FHIT: variants seen among roughly 807,000 people sequenced by gnomAD.
The protein encoded by FHIT is bis(5'-adenosyl)-triphosphatase.
FHIT carries 19 observed loss-of-function variants against 17.9 expected under a neutral mutation model. That is an observed-to-expected ratio of 1.06 (90% CI 0.74 to 1.56). FHIT has a LOEUF of 1.56. FHIT is among the 40% of genes most tolerant of loss of function. The pLI is 0.00. For synonymous variants in FHIT, 81 were observed against 69.7 expected (o/e 1.16, Z -0.81); for missense variants, 248 against 189.2 (o/e 1.31, Z -1.82).
chr3:59,900,616 GTTGT>G (rs1195905588), intron 8 of FHIT, among the ~76,000 whole-genome samples: 5 of 150,926 alleles, frequency 3.3e-5, no homozygotes, highest in Non-Finnish European at 1.5e-5. Context: ...ATGTTTGGTT[GTTGT>G]TTGTTTTTTT....
intron 3 of FHIT, among the ~76,000 whole-genome samples, chr3:61,024,261 C>G (rs1441432732): frequency 1.3e-5 from 2 of 152,250 alleles, no homozygotes. Context: ...AAAGGACTTT[C>G]TAAAGAAATT....
At chr3:60,248,801 G>C (rs960166413) in intron 5 of FHIT, among the ~76,000 whole-genome samples, 3 of 152,132 alleles carry the variant, frequency 2.0e-5, no homozygotes, top group Non-Finnish European at 4.4e-5. Context: ...GAAGGGCGCT[G>C]TGACTCACCC....
chr3:60,403,574 A>G lies in FHIT; in HGVS notation c.103+133286T>C, dbSNP rs540679554. On this transcript the variant is annotated intron_variant, in intron 5 of 9. Coordinates refer to ENST00000492590, the MANE Select transcript of FHIT (RefSeq NM_002012.4). ...CCTTCCTGCATAATAACTGGCCATG[A>G]AGAAACTATCTGACCTACCTTGCTT... Among the ~76,000 whole-genome samples the G allele has an allele frequency of 7.9e-5, 12 of 152,276 alleles. 1 individual carries two copies. In the South Asian group the frequency reaches 2.5e-3, roughly 32 times the overall value.
chr3:59,932,143 C>T (rs1463961802), intron 7 of FHIT, among the ~76,000 whole-genome samples: 7 of 152,188 alleles, frequency 4.6e-5, no homozygotes, highest in Admixed American at 4.6e-4. Flanking sequence ...AGTGTCAATG[C>T]ATCCATTTTG....
intron 5 of FHIT, among the ~76,000 whole-genome samples, chr3:60,506,491 A>G (rs1037822791): frequency 2.6e-5 from 4 of 152,210 alleles, no homozygotes; most frequent in African/African-American, 9.6e-5. Context: ...TACTATCTAT[A>G]GTAGATGGCA....
intron 8 of FHIT, among the ~76,000 whole-genome samples, chr3:59,841,932 T>A (rs1465135331): frequency 1.3e-5 from 2 of 152,202 alleles, no homozygotes; most frequent in African/African-American, 4.8e-5. Flanking sequence ...CTATCTTGGC[T>A]ATTTTTAGGT....
chr3:60,356,676 G>C (rs560737717), intron 5 of FHIT, among the ~76,000 whole-genome samples: 1 of 136,284 alleles, frequency 7.3e-6, no homozygotes, highest in East Asian at 2.4e-4. Context: ...TACTTGATTT[G>C]AGACTGACAA....
intron 5 of FHIT, among the ~76,000 whole-genome samples, chr3:60,328,986 C>T (rs1709833804): frequency 6.6e-6 from 1 of 152,198 alleles, no homozygotes. Flanking sequence ...CATCCATTAT[C>T]TGCTCAAAGT....
At position 60,373,756 on chromosome 3, in the gene FHIT, C is replaced by T. The variant is rs190685420; in HGVS notation, c.103+163104G>A. On this transcript the variant is annotated intron_variant, in intron 5 of 9. Transcript: ENST00000492590. ...TCATTAGAAGCCCCTCGGCTTACAA[C>T]GTCTATCTAACCAGAATGCCATTCT... Among the ~76,000 whole-genome samples, 252 of 152,250 alleles carry T rather than the reference C, an allele frequency of 1.7e-3. 1 individual carries two copies. The highest frequency in any genetic ancestry group is 1.5e-3 in the Non-Finnish European group (103 of 68,022).
chr3:61,210,223 G>T (rs2039413933), intron 1 of FHIT, among the ~76,000 whole-genome samples: 1 of 152,216 alleles, frequency 6.6e-6, no homozygotes, highest in Non-Finnish European at 1.5e-5. Flanking sequence ...CCTAGTGCGG[G>T]GTACCTCCCA....
chr3:60,558,759 C>T (rs2036830336), intron 4 of FHIT, among the ~76,000 whole-genome samples: 1 of 152,152 alleles, frequency 6.6e-6, no homozygotes, highest in Non-Finnish European at 1.5e-5. Context: ...ACATGTTCTC[C>T]TGCAGGGCAT....
At chr3:60,672,874 C>CGT (rs71629109) in intron 4 of FHIT, among the ~76,000 whole-genome samples, 2,793 of 139,518 alleles carry the variant, frequency 0.02, 82 homozygotes, top group African/African-American at 0.067. Flanking sequence ...CTCTTTGTAG[C>CGT]GTGTGTGTGT....
At chr3:61,101,545 CT>C (rs2035828945) in intron 2 of FHIT, among the ~76,000 whole-genome samples, 1 of 152,098 alleles carries the variant, frequency 6.6e-6, no homozygotes, top group Non-Finnish European at 1.5e-5. Context: ...AATGCAGGCT[CT>C]TTTTTGGTTC....
At chr3:61,212,213 G>A (rs1050903145) in intron 1 of FHIT, among the ~76,000 whole-genome samples, 1 of 152,190 alleles carries the variant, frequency 6.6e-6, no homozygotes, top group Non-Finnish European at 1.5e-5. Context: ...CGAGCTAAAG[G>A]AGGAAATTCA....
chr3:60,630,133 A>G (rs1404123011), intron 4 of FHIT, among the ~76,000 whole-genome samples: 5 of 152,202 alleles, frequency 3.3e-5, no homozygotes, highest in Non-Finnish European at 7.3e-5. Context: ...GACTCTATCA[A>G]TAAAGTATTC....
intron 5 of FHIT, among the ~76,000 whole-genome samples, chr3:60,111,534 T>C (rs1303711974): frequency 1.3e-5 from 2 of 152,242 alleles, no homozygotes. Flanking sequence ...TTTGGGGCTA[T>C]CTTTCCTTCA....
intron 2 of FHIT, among the ~76,000 whole-genome samples, chr3:61,100,128 G>C (rs539755208): frequency 1.3e-5 from 2 of 151,972 alleles, no homozygotes; most frequent in Non-Finnish European, 2.9e-5. Flanking sequence ...TGATACATAG[G>C]TATACATGTG....
chr3:61,163,750 T>C (rs1318221444), intron 2 of FHIT, among the ~76,000 whole-genome samples: 4 of 152,206 alleles, frequency 2.6e-5, no homozygotes, highest in Admixed American at 6.5e-5. Flanking sequence ...CCAATCATAC[T>C]TCTACACAAC....
intron 9 of FHIT, chr3:59,751,036 A>G (rs720000): frequency 0.18 from 33,159 of 181,182 alleles, 4,323 homozygotes; most frequent in African/African-American, 0.39. Flanking sequence ...TTCTAAAAAC[A>G]AAAAAGAAAC....
Sources: gnomAD v4.1 joint callset for allele counts (sites outside exome capture counted in the v4.1 genomes callset) on GRCh38, gnomAD v4.1.1 for gene constraint, MANE v1.5 for transcripts, NCBI Gene and HGNC (gene_info 2026-07-23, HGNC 2026-07-21) for gene names.